GOLT1A: variants seen among roughly 807,000 people sequenced by gnomAD.
The protein encoded by GOLT1A is golgi transport 1A.
In GOLT1A, 10 loss-of-function variants were observed where a neutral mutation model predicts 16.1. That is an observed-to-expected ratio of 0.62 (90% CI 0.38 to 1.05). GOLT1A has a LOEUF of 1.05. GOLT1A is among the 50% of genes least tolerant of loss of function. The pLI, the probability that GOLT1A is intolerant of heterozygous loss-of-function variation, is 0.01. For synonymous variants in GOLT1A, 60 were observed against 67.9 expected (o/e 0.88, Z 0.57); for missense variants, 137 against 165.7 (o/e 0.83, Z 0.95).
intron 1 of GOLT1A, among the ~76,000 whole-genome samples, chr1:204,210,250 T>C (rs1040967810): frequency 4.6e-5 from 7 of 152,196 alleles, no homozygotes; most frequent in African/African-American, 1.7e-4. Flanking sequence ...TCTTGGTTTG[T>C]GCACAACACG....
chr1:204,201,371 C>T (rs1357786402), intron 3 of GOLT1A, among the ~76,000 whole-genome samples: 1 of 152,202 alleles, frequency 6.6e-6, no homozygotes, highest in Non-Finnish European at 1.5e-5. Context: ...TGAGGGCAGG[C>T]CTCGTGTCTC....
chr1:204,208,460 T>G (rs1409448190), intron 1 of GOLT1A, among the ~76,000 whole-genome samples: 3 of 55,768 alleles, frequency 5.4e-5, no homozygotes, highest in Admixed American at 1.8e-4. Context: ...ATATGTATAC[T>G]TGTGTGTGTG....
At chr1:204,208,318 ATATACATATATATG>A (rs1161250983) in intron 1 of GOLT1A, among the ~76,000 whole-genome samples, 1 of 148,070 alleles carries the variant, frequency 6.8e-6, no homozygotes, top group Non-Finnish European at 1.5e-5. Flanking sequence ...ATACACACAC[ATATACATATATATG>A]TATACATATA....
chr1:204,199,077 G>T, intron 4 of GOLT1A, 118 bp downstream of exon 4: 1 of 855,636 alleles, frequency 1.2e-6, no homozygotes, highest in Non-Finnish European at 1.9e-6. Flanking sequence ...TAGGGGGTCT[G>T]AGGGGAGACA....
chr1:204,200,877 C>T (rs72749751), intron 3 of GOLT1A, among the ~76,000 whole-genome samples: 15,149 of 152,234 alleles, frequency 0.1, 1,133 homozygotes, highest in African/African-American at 0.22. Flanking sequence ...CTCTCCACAC[C>T]ACCGTGTAGA....
chr1:204,198,858 G>A, intron 4 of GOLT1A: 1 of 473,658 alleles, frequency 2.1e-6, no homozygotes, highest in Admixed American at 3.5e-5. Flanking sequence ...CACTTAGCCA[G>A]ATCCCCAGAA....
chr1:204,203,780 ATGAGCCCCCATTCCCAAGGTTTGACAG>A (rs1185449142), intron 1 of GOLT1A, among the ~76,000 whole-genome samples: 4 of 150,868 alleles, frequency 2.7e-5, no homozygotes, highest in Admixed American at 1.3e-4. Flanking sequence ...CACACTGACA[ATGAGCCCCCATTCCCAAGGTTTGACAG>A]TGAGCCCCCA....
chr1:204,208,614 C>T (rs1659092010), intron 1 of GOLT1A, among the ~76,000 whole-genome samples: 1 of 150,844 alleles, frequency 6.6e-6, no homozygotes. Context: ...AATGGAAAAG[C>T]AAACATCATA....
Position 204,199,247 on chromosome 1 carries a change from G to T in GOLT1A, c.308C>A (p.Pro103His). ...ATTGCCCAGGAAGCCGAAGGCGACA[G>T]GGAAAAAGCCCCTAGGAGCAGAGGG... ...GFFSLFKGFF[P>H]VAFGFLGNVC... The change falls in exon 4 of 5, where the codon CCT becomes CAT. Residue 103 changes from proline to histidine, a missense_variant. By Grantham distance (77) the Pro-to-His change is moderately conservative. Transcript: ENST00000308302. The T allele has an allele frequency of 1.9e-6, 3 of 1,603,926 alleles. No individual in the cohort carries two copies. The highest frequency in any genetic ancestry group is 1.3e-5 in the African/African-American group (1 of 74,992).
At chr1:204,198,729 G>A (rs918615230) in intron 4 of GOLT1A, among the ~76,000 whole-genome samples, 3 of 152,104 alleles carry the variant, frequency 2.0e-5, no homozygotes, top group African/African-American at 7.2e-5. Flanking sequence ...ATAAGGAGGG[G>A]CAGGGGCTGG....
chr1:204,201,570 G>A (rs1311236322), intron 3 of GOLT1A, 63 bp downstream of exon 3: 2 of 1,531,272 alleles, frequency 1.3e-6, no homozygotes, highest in African/African-American at 1.4e-5. Context: ...TCCCTGCTGG[G>A]GTGATCTCAG....
chr1:204,201,286 A>G (rs184188566), intron 3 of GOLT1A, among the ~76,000 whole-genome samples: 2 of 152,388 alleles, frequency 1.3e-5, no homozygotes, highest in East Asian at 3.9e-4. Flanking sequence ...TTGTGATAAA[A>G]TAAGATGATG....
chr1:204,201,003 C>T (rs1397432762), intron 3 of GOLT1A, among the ~76,000 whole-genome samples: 3 of 152,190 alleles, frequency 2.0e-5, no homozygotes, highest in Non-Finnish European at 4.4e-5. Context: ...TCTCTCAAGT[C>T]CTGCTTCCTC....
chr1:204,201,067 C>A (rs988010461), intron 3 of GOLT1A, among the ~76,000 whole-genome samples: 4 of 152,230 alleles, frequency 2.6e-5, no homozygotes, highest in Non-Finnish European at 5.9e-5. Flanking sequence ...ACAGTGGCCA[C>A]ACATCATGGC....
chr1:204,206,925 G>T (rs1179909888), intron 1 of GOLT1A, among the ~76,000 whole-genome samples: 1 of 152,192 alleles, frequency 6.6e-6, no homozygotes, highest in African/African-American at 2.4e-5. Context: ...TTTAAGGGCA[G>T]ATGCAATTCC....
At chr1:204,199,541 A>G (rs1658918344) in intron 3 of GOLT1A, among the ~76,000 whole-genome samples, 1 of 152,216 alleles carries the variant, frequency 6.6e-6, no homozygotes, top group South Asian at 2.1e-4. Context: ...TTCCAGCCAT[A>G]AAATGTGGCT....
In GOLT1A at chr1:204,199,410, C is replaced by T. The variant is rs138653848; in HGVS notation, c.297-152G>A. ...GCACTCCTGTGTTCCGAGAGACAGT[C>T]GAGTGACATGATTAAGAATGAAGGC... is the stretch of plus-strand genomic sequence containing the variant. On this transcript the variant is annotated intron_variant, in intron 3 of 4. Transcript: ENST00000308302. 2.8e-3 allele frequency: 1,850 copies of T among 660,896 alleles called. 28 individuals carry two copies. In the African/African-American group the frequency reaches 0.03, roughly 11 times the overall value. The allele number at this position is 660,896 out of a possible 1,614,324, so 40.9% of individuals were successfully genotyped here.
intron 4 of GOLT1A, 51 bp from the exon 5 acceptor site, chr1:204,198,547 A>G: frequency 6.5e-7 from 1 of 1,548,188 alleles, no homozygotes; most frequent in Non-Finnish European, 8.9e-7. Flanking sequence ...GAGCAGATGC[A>G]ATATCTAGTT....
chr1:204,205,111 A>G (rs1659019179), intron 1 of GOLT1A, among the ~76,000 whole-genome samples: 1 of 152,094 alleles, frequency 6.6e-6, no homozygotes, highest in African/African-American at 2.4e-5. Flanking sequence ...TCTGTAGGTT[A>G]CCTTTCAGTC....
Sources: allele counts gnomAD v4.1 joint callset (sites outside exome capture counted in the v4.1 genomes callset), GRCh38; gene constraint gnomAD v4.1.1; transcripts MANE v1.5; gene names NCBI Gene and HGNC (gene_info 2026-07-23, HGNC 2026-07-21).